BRI3BP: variants seen among roughly 807,000 people sequenced by gnomAD.
The protein encoded by BRI3BP is BRI3 binding protein.
In BRI3BP, 7 loss-of-function variants were observed where a neutral mutation model predicts 15.8. The observed-to-expected ratio is 0.44, with a 90% CI of 0.25 to 0.83. The LOEUF (loss-of-function observed/expected upper bound fraction) is 0.83, where lower values mean the gene tolerates loss of function less well. BRI3BP is among the 40% of genes least tolerant of loss of function. The pLI, the probability that BRI3BP is intolerant of heterozygous loss-of-function variation, is 0.20. For synonymous variants in BRI3BP, 192 were observed against 163.5 expected, an observed-to-expected ratio of 1.17 and a Z score of -1.33; for missense variants, 320 against 339.3, an observed-to-expected ratio of 0.94 and a Z score of 0.45.
At chr12:125,036,399 T>A in the BRI3BP span, among the ~76,000 whole-genome samples, 82,067 of 150,916 alleles carry the variant, frequency 0.54, 24,251 homozygotes, top group East Asian at 0.69. Flanking sequence ...TATTATTATT[T>A]TTTTTTAGTA....
downstream of BRI3BP, among the ~76,000 whole-genome samples, chr12:125,036,100 C>T (rs1284089524): frequency 1.5e-4 from 9 of 59,854 alleles, no homozygotes; most frequent in Non-Finnish European, 3.3e-4. Flanking sequence ...GAGTTTTGCT[C>T]GTCACCAAGG....
At position 125,030,079 on chromosome 12, in the gene BRI3BP, A is replaced by G. The variant is rs1441976517; in HGVS notation, c.*4649A>G. The G allele has an allele frequency of 1.3e-5, 2 of 152,304 alleles. No individual in the cohort carries two copies. The highest frequency in any genetic ancestry group is 3.9e-4 in the East Asian group (2 of 5,180). The allele number at this position is 152,304 out of a possible 1,614,324, so 9.4% of individuals were successfully genotyped here. On this transcript the variant is annotated 3_prime_UTR_variant, in exon 3 of 3. Transcript: ENST00000341446. The stretch of plus-strand genomic sequence containing the variant: ...AAATGGCCTAGACATGGTTAATGCA[A>G]TTTGTTGCTAGTGGAAATCCTGAAT...
At chr12:125,005,913 A>G (rs1257765495) in intron 1 of BRI3BP, among the ~76,000 whole-genome samples, 1 of 152,148 alleles carries the variant, frequency 6.6e-6, no homozygotes, top group Non-Finnish European at 1.5e-5. Flanking sequence ...TCGCCTAAAC[A>G]GCAGACATAC....
In BRI3BP at chr12:125,026,651, T is replaced by C. The variant is rs1488686454; in HGVS notation, c.*1221T>C. The C allele has an allele frequency of 6.6e-6, 1 of 152,000 alleles. No individual in the cohort carries two copies. Among genetic ancestry groups the C allele is most frequent in the Non-Finnish European group, 1.5e-5 (1 of 68,002 alleles). The allele number at this position is 152,000 out of a possible 1,614,324, so 9.4% of individuals were successfully genotyped here. On this transcript the variant is annotated 3_prime_UTR_variant, in exon 3 of 3. Transcript: ENST00000341446. The stretch of plus-strand genomic sequence containing the variant: ...AACCCCCTTTTGTTAGGACTTGTTT[T>C]TTAAAAAAGAAAGCCCTAGGCCAGG...
At chr12:125,040,864 G>A in the BRI3BP span, among the ~76,000 whole-genome samples, 166 of 151,222 alleles carry the variant, frequency 1.1e-3, no homozygotes, top group African/African-American at 3.9e-3. Context: ...CCAAGTAGCC[G>A]GGATTACAGG....
At chr12:125,004,389 C>G (rs1955124862) in intron 1 of BRI3BP, among the ~76,000 whole-genome samples, 1 of 152,150 alleles carries the variant, frequency 6.6e-6, no homozygotes, top group Non-Finnish European at 1.5e-5. Context: ...AGGCTAGTCT[C>G]TAACTCCCAG....
rs996466912 is a variant in BRI3BP, at chr12:125,030,000, C to T, written c.*4570C>T. ...GTAGAGAGGATGTGAGCAGCTTAGTCGCTCATCTGGCCCTGTGATTCAGGC... is the reference window on the plus strand; with the variant it reads ...GTAGAGAGGATGTGAGCAGCTTAGTTGCTCATCTGGCCCTGTGATTCAGGC... On this transcript the variant is annotated 3_prime_UTR_variant, in exon 3 of 3. Transcript: ENST00000341446. The T allele has an allele frequency of 5.3e-5, 8 of 152,236 alleles. No homozygotes were observed. Among genetic ancestry groups the T allele is most frequent in the Admixed American group, 1.3e-4 (2 of 15,280 alleles). 9.4% of individuals were successfully genotyped at this position (152,236 alleles called of 1,614,324 possible). A position where few individuals can be genotyped will look rare whatever the true frequency, so the allele number is the denominator to read the frequency against.
chr12:125,013,176 C>G (rs1453865086), intron 2 of BRI3BP, among the ~76,000 whole-genome samples: 1 of 151,562 alleles, frequency 6.6e-6, no homozygotes, highest in African/African-American at 2.4e-5. Context: ...GTGGGAGTGC[C>G]AATTTGTGTG....
At chr12:125,034,553 C>T (rs979690894), downstream of BRI3BP, among the ~76,000 whole-genome samples, 7 of 152,074 alleles carry the variant, frequency 4.6e-5, no homozygotes, top group African/African-American at 1.7e-4. Context: ...CCCAGGCAAC[C>T]TTTGAGCTGC....
intron 2 of BRI3BP, among the ~76,000 whole-genome samples, chr12:125,013,213 G>T (rs1955211953): frequency 6.6e-6 from 1 of 152,228 alleles, no homozygotes. Context: ...GAGGTATAGT[G>T]CTCTGGCTTA....
rs1406090004 is a variant in BRI3BP at position 125,028,300 on chromosome 12, C to T, written c.*2870C>T. ...CCGCATGTTAAGGCTTAAGCTGTCA[C>T]TGGGCTGGGTGTAATACCCGCTTCA... On this transcript the variant is annotated 3_prime_UTR_variant, in exon 3 of 3. Coordinates refer to ENST00000341446, the MANE Select transcript of BRI3BP (RefSeq NM_080626.6). 2 of 152,236 alleles carry T rather than the reference C, an allele frequency of 1.3e-5. No homozygotes were observed. The highest frequency in any genetic ancestry group is 4.8e-5 in the African/African-American group (2 of 41,466). 9.4% of individuals were successfully genotyped at this position (152,236 alleles called of 1,614,324 possible).
At chr12:125,024,325 C>T (rs530458851) in intron 2 of BRI3BP, among the ~76,000 whole-genome samples, 155 of 144,248 alleles carry the variant, frequency 1.1e-3, no homozygotes, top group African/African-American at 3.6e-3. Context: ...TCACCCCCCA[C>T]GAGGTTCCTT....
rs1414928738 is a variant in BRI3BP, at chr12:125,025,442, C to G, written c.*12C>G. 6.4e-7 allele frequency: 1 copy of G among 1,568,498 alleles called. No individual in the cohort carries two copies. Among genetic ancestry groups the G allele is most frequent in the African/African-American group, 1.4e-5 (1 of 73,858 alleles). On this transcript the variant is annotated 3_prime_UTR_variant, in exon 3 of 3. Transcript: ENST00000341446. The stretch of plus-strand genomic sequence containing the variant: ...CCAAGGACAAGTGAAGGTCAGCCGG[C>G]CGGGCGGGTCCACAGTTACCAGCAC...
chr12:125,004,616 C>A (rs927016537), intron 1 of BRI3BP, among the ~76,000 whole-genome samples: 1 of 152,106 alleles, frequency 6.6e-6, no homozygotes, highest in African/African-American at 2.4e-5. Context: ...CCATTATTAA[C>A]GTTGTATATT....
At chr12:125,043,862 TA>T in the BRI3BP span, among the ~76,000 whole-genome samples, 1 of 151,330 alleles carries the variant, frequency 6.6e-6, no homozygotes, top group Non-Finnish European at 1.5e-5. Context: ...TCTCAAAAAA[TA>T]AAAAGATAAA....
At position 125,025,424 on chromosome 12, in the gene BRI3BP, C is replaced by T. The variant is rs1955344570; in HGVS notation, c.750C>T (p.Asp250=). 1 of 1,587,540 alleles carries T rather than the reference C, an allele frequency of 6.3e-7. No homozygotes were observed. Among genetic ancestry groups the T allele is most frequent in the Non-Finnish European group, 8.6e-7 (1 of 1,162,574 alleles). ...RVLESLDRSK[D]K Reference sequence around the variant, plus strand: ...TCGAGAGCCTGGACCGCTCCAAGGACAAGTGAAGGTCAGCCGGCCGGGCGG... The same window carrying T: ...TCGAGAGCCTGGACCGCTCCAAGGATAAGTGAAGGTCAGCCGGCCGGGCGG... The change falls in exon 3 of 3, where the codon GAC becomes GAT. Residue 250 remains aspartate, a synonymous_variant. Coordinates refer to ENST00000341446, the MANE Select transcript of BRI3BP (RefSeq NM_080626.6).
the BRI3BP span, among the ~76,000 whole-genome samples, chr12:125,048,174 G>A: frequency 6.6e-6 from 1 of 152,048 alleles, no homozygotes; most frequent in Non-Finnish European, 1.5e-5. Context: ...ATTTTTCTGT[G>A]GTTTTATCCC....
At chr12:125,024,406 C>G (rs1418010943) in intron 2 of BRI3BP, among the ~76,000 whole-genome samples, 5 of 152,130 alleles carry the variant, frequency 3.3e-5, no homozygotes, top group Non-Finnish European at 7.4e-5. Flanking sequence ...ATATCAGGGT[C>G]TCACTATGTT....
chr12:125,036,868 A>C, the BRI3BP span, among the ~76,000 whole-genome samples: 1 of 152,192 alleles, frequency 6.6e-6, no homozygotes, highest in Non-Finnish European at 1.5e-5. Context: ...AAGACACAAC[A>C]AGAAGGTGGC....
Sources: gnomAD v4.1 joint callset for allele counts (sites outside exome capture counted in the v4.1 genomes callset) on GRCh38, gnomAD v4.1.1 for gene constraint, MANE v1.5 for transcripts, NCBI Gene and HGNC (gene_info 2026-07-23, HGNC 2026-07-21) for gene names.